The following OTOA variants were observed in gnomAD, a reference collection of about 807,000 sequenced individuals.
OTOA encodes the protein otoancorin.
OTOA carries 70 observed loss-of-function variants against 110.8 expected under a neutral mutation model. The ratio of observed to expected loss-of-function variants is 0.63; its 90% CI spans 0.52 to 0.77. The LOEUF (loss-of-function observed/expected upper bound fraction) is 0.77, where lower values mean the gene tolerates loss of function less well. Ranked by LOEUF, OTOA falls within the 30% of genes least tolerant of loss-of-function variation. OTOA has a pLI of 0.00. For synonymous variants in OTOA, 373 were observed against 431.5 expected (o/e 0.86, Z 1.68); for missense variants, 917 against 1,075.8 (o/e 0.85, Z 2.06).
At chr16:21,713,806 C>T (rs766714230) in intron 13 of OTOA, among the ~76,000 whole-genome samples, 1 of 152,126 alleles carries the variant, frequency 6.6e-6, no homozygotes, top group African/African-American at 2.4e-5. Context: ...CTTCTAGCCT[C>T]GTGGTGACTT....
At chr16:21,707,232 G>A (rs1192651766) in intron 12 of OTOA, among the ~76,000 whole-genome samples, 1 of 151,830 alleles carries the variant, frequency 6.6e-6, no homozygotes, top group Non-Finnish European at 1.5e-5. Context: ...AAAATAAGAA[G>A]ATAAATGTAT....
chr16:21,713,193 G>A (rs1898412319), intron 13 of OTOA, among the ~76,000 whole-genome samples: 1 of 152,146 alleles, frequency 6.6e-6, no homozygotes, highest in Non-Finnish European at 1.5e-5. Context: ...TCAAACTCCT[G>A]GGCTCAAGCA....
At chr16:21,684,669 A>C in intron 6 of OTOA, 1 of 619,114 alleles carries the variant, frequency 1.6e-6, no homozygotes, top group East Asian at 3.3e-5. Context: ...GTGTTGCCAA[A>C]CCTTTACTTT....
At chr16:21,684,844 C>T (rs1426015176) in intron 6 of OTOA, among the ~76,000 whole-genome samples, 2 of 151,222 alleles carry the variant, frequency 1.3e-5, no homozygotes, top group Admixed American at 6.6e-5. Context: ...CTCCGCCTCC[C>T]GGGTTTAAGC....
chr16:21,676,349 G>T (rs1458494303), intron 1 of OTOA, among the ~76,000 whole-genome samples: 4 of 151,198 alleles, frequency 2.6e-5, no homozygotes, highest in African/African-American at 2.4e-5. Context: ...TTTAAATATT[G>T]TTGGGTTTTG....
At chr16:21,679,473 C>G (rs1388811365) in intron 5 of OTOA, among the ~76,000 whole-genome samples, 1 of 152,060 alleles carries the variant, frequency 6.6e-6, no homozygotes, top group Non-Finnish European at 1.5e-5. Flanking sequence ...GCTATCTTGG[C>G]TCACTACTGC....
chr16:21,695,956 A>G (rs1250537774), intron 9 of OTOA, among the ~76,000 whole-genome samples: 1 of 130,366 alleles, frequency 7.7e-6, no homozygotes, highest in Non-Finnish European at 1.6e-5. Flanking sequence ...GTGCAGTGGT[A>G]TGATCTCAGC....
chr16:21,735,524 T>C (rs1182683397), intron 21 of OTOA, among the ~76,000 whole-genome samples: 6 of 152,152 alleles, frequency 3.9e-5, no homozygotes, highest in Non-Finnish European at 8.8e-5. Flanking sequence ...ATCCAAACTA[T>C]GTCAAATATA....
chr16:21,735,493 TAA>T (rs1457194550), intron 21 of OTOA, among the ~76,000 whole-genome samples: 1 of 152,128 alleles, frequency 6.6e-6, no homozygotes, highest in Non-Finnish European at 1.5e-5. Context: ...TACATTTCAA[TAA>T]GATTTGGGTG....
chr16:21,697,528 G>A (rs1039571841), intron 9 of OTOA, among the ~76,000 whole-genome samples: 1 of 152,134 alleles, frequency 6.6e-6, no homozygotes, highest in African/African-American at 2.4e-5. Flanking sequence ...AGCTACTTGG[G>A]AGACTGAGGC....
intron 21 of OTOA, among the ~76,000 whole-genome samples, chr16:21,732,469 C>T (rs1035496849): frequency 6.6e-6 from 1 of 151,986 alleles, no homozygotes; most frequent in African/African-American, 2.4e-5. Context: ...TATTTGTAGT[C>T]TTTTATCCCT....
intron 18 of OTOA, 132 bp downstream of exon 18, chr16:21,723,110 T>A: frequency 1.2e-6 from 1 of 852,206 alleles, no homozygotes; most frequent in Non-Finnish European, 2.0e-6. Context: ...CTTAGAGAGT[T>A]AAGCCCTTGA....
intron 11 of OTOA, among the ~76,000 whole-genome samples, chr16:21,701,844 C>T (rs1243266086): frequency 1.3e-5 from 2 of 151,880 alleles, no homozygotes; most frequent in East Asian, 3.9e-4. Flanking sequence ...TGGTCTCAAA[C>T]TCCTGACCTC....
intron 23 of OTOA, among the ~76,000 whole-genome samples, chr16:21,743,958 A>G (rs1236202475): frequency 2.2e-5 from 3 of 134,816 alleles, no homozygotes; most frequent in Non-Finnish European, 1.6e-5. Context: ...TATATACAAT[A>G]TGATGTTTTG....
Position 21,678,572 on chromosome 16 carries a change from G to C in OTOA, c.58G>C (p.Val20Leu), listed in dbSNP as rs779422476. Residue 20 changes from valine to leucine, a missense_variant, in exon 2 of 29, where the codon GTG (valine) becomes CTG (leucine). Transcript: ENST00000646100. ...CCTATTCCTTTTTCTGAGCCATGGA[G>C]TGTCGAGTTATACAGTGCCAAATTC... ...LFLFLFLSHGVSSYTVPNSRQ... is the reference protein window; with the variant it reads ...LFLFLFLSHGLSSYTVPNSRQ... The C allele has an allele frequency of 6.2e-7, 1 of 1,613,972 alleles. No individual in the cohort carries two copies. Among genetic ancestry groups the C allele is most frequent in the East Asian group, 2.2e-5 (1 of 44,860 alleles).
chr16:21,695,441 G>A (rs1897913692), intron 9 of OTOA, among the ~76,000 whole-genome samples: 1 of 151,964 alleles, frequency 6.6e-6, no homozygotes, highest in Non-Finnish European at 1.5e-5. Flanking sequence ...TTAGTAATAA[G>A]TTAAAAAATA....
chr16:21,695,180 G>A (rs1379758476), intron 9 of OTOA, among the ~76,000 whole-genome samples: 5 of 151,086 alleles, frequency 3.3e-5, no homozygotes. Context: ...AAGGAGGATT[G>A]CTTGAGGCCA....
rs146027692 is a variant in OTOA at position 21,706,802 on chromosome 16, C to T, written c.1104+1510C>T. ...CACATTTGACATTTGAGAGTGTGGT[C>T]ATCTATTTTGGTCAGCGCATCTTTT... is the stretch of plus-strand genomic sequence containing the variant. On this transcript the variant is annotated intron_variant, in intron 12 of 28. Transcript: ENST00000646100. 3.1e-3 allele frequency among the ~76,000 whole-genome samples: 462 copies of T among 149,826 alleles called. 2 individuals carry two copies. Among genetic ancestry groups the T allele is most frequent in the African/African-American group, 0.01 (419 of 40,902 alleles).
At chr16:21,667,579 TA>T (rs1225518188) in intron 1 of OTOA, among the ~76,000 whole-genome samples, 1 of 149,868 alleles carries the variant, frequency 6.7e-6, no homozygotes, top group East Asian at 2.0e-4. Context: ...CCAGCGTGGG[TA>T]ACAGAGAGAG....
Sources: allele counts gnomAD v4.1 joint callset (sites outside exome capture counted in the v4.1 genomes callset), GRCh38; gene constraint gnomAD v4.1.1; transcripts MANE v1.5; gene names NCBI Gene and HGNC (gene_info 2026-07-23, HGNC 2026-07-21).